Variants in WDR45B observed in about 807,000 individuals in gnomAD.
WDR45B encodes the protein WD repeat domain 45B.
In WDR45B, 20 loss-of-function variants were observed where a neutral mutation model predicts 44.6. That is an observed-to-expected ratio of 0.45 (90% CI 0.32 to 0.65). The LOEUF (loss-of-function observed/expected upper bound fraction) is 0.65. Among genes scored for constraint, WDR45B ranks in the 30% least tolerant of loss-of-function variants. WDR45B has a pLI of 0.05. For synonymous variants in WDR45B, 169 were observed against 164.9 expected (o/e 1.02, Z -0.19); for missense variants, 323 against 430.2 (o/e 0.75, Z 2.20).
rs2045758900 is a variant in WDR45B at position 82,630,908 on chromosome 17, A to G, written c.244+13T>C. On this transcript the variant is annotated intron_variant, in intron 3 of 9. Coordinates refer to ENST00000392325, the MANE Select transcript of WDR45B (RefSeq NM_019613.4). ...CACGTGAGGCATGATTCTTCAATACACAATTACAGTACCTTTGTTGGGAGG... is the reference window on the plus strand; with the variant it reads ...CACGTGAGGCATGATTCTTCAATACGCAATTACAGTACCTTTGTTGGGAGG... 1 of 1,610,006 alleles carries G rather than the reference A, an allele frequency of 6.2e-7. No individual in the cohort carries two copies. The highest frequency in any genetic ancestry group is 1.7e-5 in the Admixed American group (1 of 59,986).
At chr17:82,646,556 T>G in intron 1 of WDR45B, among the ~76,000 whole-genome samples, 1 of 98,236 alleles carries the variant, frequency 1.0e-5, no homozygotes, top group South Asian at 3.3e-4. Flanking sequence ...AGTACAAAAA[T>G]AAAGTACAGA....
In WDR45B at chr17:82,619,007, G is replaced by A. The variant is rs201772476; in HGVS notation, c.704+36C>T. The A allele has an allele frequency of 3.8e-3, 6,136 of 1,604,316 alleles. 30 individuals carry two copies. The highest frequency in any genetic ancestry group is 0.014 in the Middle Eastern group (82 of 6,046). Reference sequence around the variant, plus strand: ...AGGCCCACTTCCGTGCTGTCAGCCCGAAGTTCTTCTCCGGTGAAGTTGGAG... The same window carrying A: ...AGGCCCACTTCCGTGCTGTCAGCCCAAAGTTCTTCTCCGGTGAAGTTGGAG... On this transcript the variant is annotated intron_variant, in intron 7 of 9. Transcript: ENST00000392325.
rs1598258868 is a variant in WDR45B at position 82,619,075 on chromosome 17, C to T, written c.672G>A (p.Leu224=). Reference sequence around the variant, plus strand: ...TATTGGCTGCTTGAGATCCTCTTCGCAGTTCCTGGATTAAATGCCCTGATG... The same window carrying T: ...TATTGGCTGCTTGAGATCCTCTTCGTAGTTCCTGGATTAAATGCCCTGATG... The part of the protein sequence containing the change: ...DTSSGHLIQE[L]RRGSQAANIY... Residue 224 remains leucine, a synonymous_variant, in exon 7 of 10, where the codon CTG becomes CTA. Coordinates refer to ENST00000392325, the MANE Select transcript of WDR45B (RefSeq NM_019613.4). 1 of 1,614,202 alleles carries T rather than the reference C, an allele frequency of 6.2e-7. No homozygotes were observed. The highest frequency in any genetic ancestry group is 2.2e-5 in the East Asian group (1 of 44,882).
chr17:82,638,580 C>T (rs888918294), intron 2 of WDR45B, among the ~76,000 whole-genome samples: 1 of 151,806 alleles, frequency 6.6e-6, no homozygotes, highest in African/African-American at 2.4e-5. Flanking sequence ...ACTTCTATTC[C>T]ACTAAGAGAT....
At chr17:82,622,381 A>T (rs1293125928) in intron 5 of WDR45B, among the ~76,000 whole-genome samples, 1 of 152,202 alleles carries the variant, frequency 6.6e-6, no homozygotes, top group Admixed American at 6.5e-5. Context: ...TTGAAGAAAG[A>T]CAAGCTGATA....
intron 3 of WDR45B, 82 bp downstream of exon 3, chr17:82,630,839 C>G: frequency 7.5e-7 from 1 of 1,337,964 alleles, no homozygotes; most frequent in Non-Finnish European, 1.1e-6. Context: ...GAAAATCACA[C>G]ATGGCCACAA....
At chr17:82,645,303 A>C (rs1314467529) in intron 1 of WDR45B, among the ~76,000 whole-genome samples, 3 of 151,994 alleles carry the variant, frequency 2.0e-5, no homozygotes, top group Non-Finnish European at 2.9e-5. Flanking sequence ...GTCTCAAAAA[A>C]AAAAACAAAA....
intron 2 of WDR45B, among the ~76,000 whole-genome samples, chr17:82,633,824 G>A (rs2045799018): frequency 6.6e-6 from 1 of 152,050 alleles, no homozygotes; most frequent in Admixed American, 6.6e-5. Flanking sequence ...AGATCAGCCT[G>A]GGCAACACAG....
At chr17:82,631,576 T>C (rs74621168) in intron 2 of WDR45B, among the ~76,000 whole-genome samples, 4,150 of 42,408 alleles carry the variant, frequency 0.098, no homozygotes, top group African/African-American at 0.2. Context: ...TGAGCCACTG[T>C]GCCCGGCCTA....
intron 1 of WDR45B, chr17:82,644,774 C>A (rs2045956106): frequency 6.6e-6 from 1 of 152,604 alleles, no homozygotes; most frequent in Non-Finnish European, 1.5e-5. Flanking sequence ...AAAAACAAAC[C>A]CCTCAATTAT....
rs765798146 is a variant in WDR45B at position 82,621,541 on chromosome 17, G to A, written c.618+68C>T. On this transcript the variant is annotated intron_variant, in intron 6 of 9. Transcript: ENST00000392325. ...ACTGCCTTTTGAGTCTTGATACAGG[G>A]AATGGCCATTTTGCTGAGCCTGCTG... 5.8e-4 allele frequency: 929 copies of A among 1,603,664 alleles called. 2 individuals carry two copies. The highest frequency in any genetic ancestry group is 5.9e-4 in the Non-Finnish European group (695 of 1,172,842).
intron 6 of WDR45B, 47 bp from the exon 7 acceptor site, chr17:82,619,175 T>C: frequency 6.3e-7 from 1 of 1,586,086 alleles, no homozygotes; most frequent in Non-Finnish European, 8.7e-7. Context: ...TCAAAACTTT[T>C]TCGTTAGTTT....
chr17:82,625,945 CACA>C, intron 4 of WDR45B: 1 of 219,932 alleles, frequency 4.5e-6, no homozygotes, highest in East Asian at 1.2e-4. Context: ...AGTGCAGTGG[CACA>C]ACCTCAGCTC....
At chr17:82,617,935 T>TC (rs2045561648) in intron 7 of WDR45B, among the ~76,000 whole-genome samples, 1 of 151,018 alleles carries the variant, frequency 6.6e-6, no homozygotes, top group Non-Finnish European at 1.5e-5. Flanking sequence ...TTTCTTTCTT[T>TC]TTTTTTTTTT....
At chr17:82,646,513 C>CAAAAAAAAAAAAAAAA (rs1491582349) in intron 1 of WDR45B, among the ~76,000 whole-genome samples, 4 of 27,078 alleles carry the variant, frequency 1.5e-4, no homozygotes, top group Admixed American at 5.3e-4. Flanking sequence ...AAAAAAAAAA[C>CAAAAAAAAAAAAAAAA]CCAAAACAAA....
chr17:82,643,630 G>A lies in WDR45B; in HGVS notation c.142+319C>T, dbSNP rs1392784638. Among the ~76,000 whole-genome samples the A allele has an allele frequency of 2.0e-5, 3 of 152,108 alleles. No homozygotes were observed. The South Asian group carries it at 6.2e-4, about 32-fold the overall frequency. On this transcript the variant is annotated intron_variant, in intron 2 of 9. Transcript: ENST00000392325. Reference sequence around the variant, plus strand: ...ACTGTTCTACATCCCAGGGTTACAGGTAAGACTTTACTTGAAAAGAGGTTT... The same window carrying A: ...ACTGTTCTACATCCCAGGGTTACAGATAAGACTTTACTTGAAAAGAGGTTT...
At chr17:82,645,173 C>T (rs558750148) in intron 1 of WDR45B, among the ~76,000 whole-genome samples, 1 of 152,082 alleles carries the variant, frequency 6.6e-6, no homozygotes, top group East Asian at 1.9e-4. Flanking sequence ...TGGTGAGCGC[C>T]TGTAATCCCA....
chr17:82,644,030 C>T lies in WDR45B; in HGVS notation c.68-7G>A, dbSNP rs754244538. 2 of 1,613,996 alleles carry T rather than the reference C, an allele frequency of 1.2e-6. No homozygotes were observed. Among genetic ancestry groups the T allele is most frequent in the Non-Finnish European group, 1.7e-6 (2 of 1,179,930 alleles). On this transcript the variant is annotated splice_region_variant and splice_polypyrimidine_tract_variant and intron_variant, in intron 1 of 9. Transcript: ENST00000392325. ...ATCCCACACGCAAAGCATCCTAAAG[C>T]AGAAGTGTAAAAGAGACATTAATCC...
intron 2 of WDR45B, among the ~76,000 whole-genome samples, chr17:82,634,347 G>T (rs1273168077): frequency 6.6e-6 from 1 of 151,164 alleles, no homozygotes; most frequent in Non-Finnish European, 1.5e-5. Context: ...AATTAGCCAG[G>T]AGCGGCAGTG....
Sources: allele counts gnomAD v4.1 joint callset (sites outside exome capture counted in the v4.1 genomes callset), GRCh38; gene constraint gnomAD v4.1.1; transcripts MANE v1.5; gene names NCBI Gene and HGNC (gene_info 2026-07-23, HGNC 2026-07-21).